The following FBXO28 variants were observed in gnomAD, a reference collection of about 807,000 sequenced individuals.
FBXO28 encodes F-box protein 28.
Under a neutral mutation model 38.1 loss-of-function variants are expected in FBXO28, and 8 were observed. The observed-to-expected ratio is 0.21, with a 90% CI of 0.12 to 0.38. The LOEUF is 0.38. Ranked by LOEUF, FBXO28 falls within the 10% of genes least tolerant of loss-of-function variation. FBXO28 has a pLI of 1.00. For missense variants in FBXO28, 345 were observed against 460.6 expected, an observed-to-expected ratio of 0.75 and a Z score of 2.30; for synonymous variants, 168 against 173.8, an observed-to-expected ratio of 0.97 and a Z score of 0.26.
In FBXO28 at chr1:224,157,912, T is replaced by A. The variant is rs1657809062; in HGVS notation, c.*166T>A. 7.1e-7 allele frequency: 1 copy of A among 1,417,204 alleles called. No individual in the cohort carries two copies. Among genetic ancestry groups the A allele is most frequent in the East Asian group, 2.5e-5 (1 of 39,224 alleles). The allele number at this position is 1,417,204 out of a possible 1,614,324, so 87.8% of individuals were successfully genotyped here. ...TGGGACATTCTTTTCCTGCTTCTCC[T>A]GATTGAACTGATGCACAGAATCTTT... On this transcript the variant is annotated 3_prime_UTR_variant, in exon 5 of 5. Coordinates refer to ENST00000366862, the MANE Select transcript of FBXO28 (RefSeq NM_015176.4).
intron 3 of FBXO28, among the ~76,000 whole-genome samples, chr1:224,151,073 C>G (rs1374231566): frequency 6.6e-6 from 1 of 152,108 alleles, no homozygotes; most frequent in East Asian, 1.9e-4. Flanking sequence ...CATAGTAGTT[C>G]AGTAAGTTTT....
chr1:224,144,405 G>A (rs1489069529), intron 3 of FBXO28, among the ~76,000 whole-genome samples: 1 of 152,104 alleles, frequency 6.6e-6, no homozygotes, highest in African/African-American at 2.4e-5. Context: ...GGGCTGCAGC[G>A]AGATGTGGTC....
chr1:224,123,924 C>T (rs539101790), intron 1 of FBXO28, among the ~76,000 whole-genome samples: 25 of 152,034 alleles, frequency 1.6e-4, no homozygotes, highest in Middle Eastern at 3.4e-3. Flanking sequence ...GCCTGATCAA[C>T]ATGGTGAAAC....
At chr1:224,149,161 A>G (rs1424761305) in intron 3 of FBXO28, among the ~76,000 whole-genome samples, 2 of 152,158 alleles carry the variant, frequency 1.3e-5, no homozygotes, top group Non-Finnish European at 2.9e-5. Flanking sequence ...TTAAACATAT[A>G]AGTACTATTT....
intron 1 of FBXO28, among the ~76,000 whole-genome samples, chr1:224,122,311 A>T (rs1465739547): frequency 6.6e-6 from 1 of 152,032 alleles, no homozygotes; most frequent in African/African-American, 2.4e-5. Flanking sequence ...CTCTCTCCTG[A>T]ATGTGTGTAT....
At chr1:224,125,711 G>T (rs913021582) in intron 1 of FBXO28, among the ~76,000 whole-genome samples, 15 of 149,274 alleles carry the variant, frequency 1.0e-4, no homozygotes, top group African/African-American at 3.5e-4. Flanking sequence ...GTGCCGTCTC[G>T]GACCACTGTA....
Position 224,114,256 on chromosome 1 carries a change from C to G in FBXO28, c.127C>G (p.Pro43Ala), listed in dbSNP as rs1336921211. Reference protein sequence around the residue: ...PPPPAPQHPQPGSQALPAPAL... With the variant: ...PPPPAPQHPQAGSQALPAPAL... ...ACCGCCCGCGCCACAGCACCCGCAG[C>G]CGGGGTCCCAGGCGCTCCCAGCCCC... Residue 43 changes from proline (P) to alanine (A), a missense_variant, in exon 1 of 5, where the codon CCG (proline) becomes GCG (alanine). Around this residue, in one of 6 missense-constraint regions of FBXO28, gnomAD observed 104 missense variants for 82.0 expected, o/e 1.27. Transcript: ENST00000366862. 1 of 1,554,778 alleles carries G rather than the reference C, an allele frequency of 6.4e-7. No individual in the cohort carries two copies. Among genetic ancestry groups the G allele is most frequent in the African/African-American group, 1.4e-5 (1 of 73,406 alleles).
At chr1:224,142,793 A>T (rs1329091549) in intron 3 of FBXO28, among the ~76,000 whole-genome samples, 1 of 152,046 alleles carries the variant, frequency 6.6e-6, no homozygotes, top group Non-Finnish European at 1.5e-5. Flanking sequence ...TACTAAAAGT[A>T]CAAAAAGCCA....
chr1:224,143,816 A>G (rs1657429096), intron 3 of FBXO28, among the ~76,000 whole-genome samples: 1 of 147,206 alleles, frequency 6.8e-6, no homozygotes, highest in Non-Finnish European at 1.5e-5. Context: ...AGCCTGGACG[A>G]CAGAGCAAGA....
At chr1:224,122,193 G>A (rs546748330) in intron 1 of FBXO28, among the ~76,000 whole-genome samples, 3 of 152,284 alleles carry the variant, frequency 2.0e-5, no homozygotes, top group African/African-American at 7.2e-5. Context: ...CAAGAGAAGA[G>A]CCAGAATGGT....
chr1:224,136,466 G>T (rs1657189725), intron 3 of FBXO28, among the ~76,000 whole-genome samples: 1 of 151,886 alleles, frequency 6.6e-6, no homozygotes, highest in African/African-American at 2.4e-5. Flanking sequence ...GCTCACACCT[G>T]TAATCCCAGC....
At position 224,114,407 on chromosome 1, in the gene FBXO28, C is replaced by G. The variant is rs1656593898; in HGVS notation, c.267+11C>G. The G allele has an allele frequency of 2.6e-6, 4 of 1,551,358 alleles. No individual in the cohort carries two copies. The highest frequency in any genetic ancestry group is 3.5e-6 in the Non-Finnish European group (4 of 1,144,226). ...AGCCAGCTCCGCCTGGTGAGGCCCC[C>G]GCAGAACTCCTGCCTCCCTCTCCCC... is the stretch of plus-strand genomic sequence containing the variant. On this transcript the variant is annotated intron_variant, in intron 1 of 4. Transcript: ENST00000366862.
intron 3 of FBXO28, among the ~76,000 whole-genome samples, chr1:224,152,134 A>C (rs1442220275): frequency 6.6e-6 from 1 of 152,152 alleles, no homozygotes; most frequent in Non-Finnish European, 1.5e-5. Context: ...CTAATATCAC[A>C]AATGCCTAAG....
intron 3 of FBXO28, among the ~76,000 whole-genome samples, chr1:224,148,962 C>CTT (rs1225458754): frequency 1.3e-5 from 2 of 152,160 alleles, no homozygotes; most frequent in Non-Finnish European, 2.9e-5. Context: ...TTATTACAGT[C>CTT]TGAGTTTTGC....
At chr1:224,154,425 C>A (rs1432147007) in intron 4 of FBXO28, among the ~76,000 whole-genome samples, 1 of 150,284 alleles carries the variant, frequency 6.7e-6, no homozygotes, top group South Asian at 2.1e-4. Flanking sequence ...AATCCCAGAA[C>A]TTTGGGAGGC....
intron 1 of FBXO28, among the ~76,000 whole-genome samples, chr1:224,114,698 C>T (rs1251974495): frequency 6.6e-6 from 1 of 151,382 alleles, no homozygotes; most frequent in African/African-American, 2.4e-5. Flanking sequence ...GGTCTTCCCA[C>T]CTTCCGCCTG....
rs1241880804 is a variant in FBXO28, at chr1:224,158,936, C to G, written c.*1190C>G. On this transcript the variant is annotated 3_prime_UTR_variant, in exon 5 of 5. Coordinates refer to ENST00000366862, the MANE Select transcript of FBXO28 (RefSeq NM_015176.4). ...CTTACCCTACAACTTTAAACAAAAG[C>G]TTTAATTTTGTTTGCACTCCTATTT... 1 of 152,566 alleles carries G rather than the reference C, an allele frequency of 6.6e-6. No individual in the cohort carries two copies. The highest frequency in any genetic ancestry group is 2.4e-5 in the African/African-American group (1 of 41,436). 9.5% of individuals were successfully genotyped at this position (152,566 alleles called of 1,614,324 possible). A position where few individuals can be genotyped will look rare whatever the true frequency, so the allele number is the denominator to read the frequency against.
chr1:224,157,495 C>T lies in FBXO28; in HGVS notation c.856C>T (p.Arg286Cys), dbSNP rs767030831. 10 of 1,614,096 alleles carry T rather than the reference C, an allele frequency of 6.2e-6. No homozygotes were observed. The highest frequency in any genetic ancestry group is 2.2e-5 in the South Asian group (2 of 91,088). ...TCTCAGGCGTGAAATTTCTGAGCTT[C>T]GCACCAAAGTGCAAGAACAGCAAAA... ...TVLRREISEL[R>C]TKVQEQQKQL... The change falls in exon 5 of 5, where the codon CGC becomes TGC. Residue 286 changes from arginine to cysteine, a missense_variant. Arg to Cys is a radical substitution (Grantham distance 180). Around this residue, in one of 6 missense-constraint regions of FBXO28, gnomAD observed 151 missense variants for 188.3 expected, o/e 0.80. Transcript: ENST00000366862.
At position 224,153,278 on chromosome 1, in the gene FBXO28, T is replaced by C. The variant is rs370486891; in HGVS notation, c.653T>C (p.Ile218Thr). Residue 218 changes from isoleucine to threonine, a missense_variant, in exon 4 of 5, where the codon ATT becomes ACT. This residue lies in a region of FBXO28 where 151 missense variants were observed against 188.3 expected (regional missense o/e 0.80). Coordinates refer to ENST00000366862, the MANE Select transcript of FBXO28 (RefSeq NM_015176.4). ...TACTTTGATGAAAAGATTGTTCCAATTTTAAAGAGGAAATTACCAGGATCA... is the reference window on the plus strand; with the variant it reads ...TACTTTGATGAAAAGATTGTTCCAACTTTAAAGAGGAAATTACCAGGATCA... ...MEYFDEKIVP[I>T]LKRKLPGSDV... is the part of the protein sequence containing the mutation. 6 of 1,611,054 alleles carry C rather than the reference T, an allele frequency of 3.7e-6. No individual in the cohort carries two copies. The African/African-American group carries it at 8.0e-5, about 22-fold the overall frequency.
Sources: allele counts gnomAD v4.1 joint callset (sites outside exome capture counted in the v4.1 genomes callset), GRCh38; gene constraint gnomAD v4.1.1; regional missense constraint gnomAD v4.1.1; transcripts MANE v1.5; gene names NCBI Gene and HGNC (gene_info 2026-07-23, HGNC 2026-07-21).